TAF1C: variants seen among roughly 807,000 people sequenced by gnomAD.
TAF1C encodes the protein TATA box-binding protein-associated factor RNA polymerase I subunit C.
Under a neutral mutation model 70.5 loss-of-function variants are expected in TAF1C, and 79 were observed. The ratio of observed to expected loss-of-function variants is 1.12; its 90% CI spans 0.93 to 1.35. TAF1C has a LOEUF of 1.35. Ranked by LOEUF, TAF1C falls within the 40% of genes most tolerant of loss-of-function variation. The pLI is 0.00. For missense variants in TAF1C, 1,412 were observed against 1,127.8 expected, an observed-to-expected ratio of 1.25 and a Z score of -3.61; for synonymous variants, 614 against 491.1, an observed-to-expected ratio of 1.25 and a Z score of -3.31.
intron 14 of TAF1C, 27 bp downstream of exon 14, chr16:84,179,919 C>G (rs887331125): frequency 1.2e-6 from 2 of 1,601,050 alleles, no homozygotes; most frequent in Non-Finnish European, 1.7e-6. Context: ...ACTGCGCCCC[C>G]CAAGCTCACT....
chr16:84,179,395 T>C lies in TAF1C; in HGVS notation c.2078A>G (p.Glu693Gly). 1 of 1,598,174 alleles carries C rather than the reference T, an allele frequency of 6.3e-7. No homozygotes were observed. The highest frequency in any genetic ancestry group is 2.2e-5 in the East Asian group (1 of 44,770). The change falls in exon 15 of 15, where the codon GAG becomes GGG. Residue 693 changes from glutamate (E) to glycine (G), a missense_variant. Transcript: ENST00000566732. ...PESGLEDKLS[E>G]RLGEAWAGRG... Reference sequence around the variant, plus strand: ...GCCTGCCCAGGCTTCCCCCAGGCGCTCACTGAGCTTGTCCTCTAGGCCTGA... The same window carrying C: ...GCCTGCCCAGGCTTCCCCCAGGCGCCCACTGAGCTTGTCCTCTAGGCCTGA...
chr16:84,182,861 C>A lies in TAF1C; in HGVS notation c.482+215G>T, dbSNP rs1294622460. Among the ~76,000 whole-genome samples the A allele has an allele frequency of 6.6e-6, 1 of 152,204 alleles. No individual in the cohort carries two copies. Among genetic ancestry groups the A allele is most frequent in the Admixed American group, 6.5e-5 (1 of 15,288 alleles). ...CAGCTCTATGAACATTATTTGAACA[C>A]CTGGATGCAGCTGTGCCTGAACTCC... On this transcript the variant is annotated intron_variant, in intron 6 of 14. Transcript: ENST00000566732. This position sits in a 1 kb window ranked among gnomAD's most constrained non-coding sequence, Gnocchi z 5.0.
rs1286702863 is a variant in TAF1C, at chr16:84,179,567, G to C, written c.1906C>G (p.Gln636Glu). ...CGCAGCTCTGTGCTGCCCAGCATCTGGCGGTGGGTGAAGGTGGGTGCTGTC... is the reference window on the plus strand; with the variant it reads ...CGCAGCTCTGTGCTGCCCAGCATCTCGCGGTGGGTGAAGGTGGGTGCTGTC... Reference protein sequence around the residue: ...VWTAPTFTHRQMLGSTELRRE... With the variant: ...VWTAPTFTHREMLGSTELRRE... The change falls in exon 15 of 15, where the codon CAG becomes GAG. Residue 636 changes from glutamine to glutamate, a missense_variant. By Grantham distance (29) the Gln-to-Glu change is conservative (BLOSUM62 2). Transcript: ENST00000566732. The C allele has an allele frequency of 6.2e-7, 1 of 1,612,560 alleles. No individual in the cohort carries two copies. The highest frequency in any genetic ancestry group is 1.3e-5 in the African/African-American group (1 of 74,930).
At position 84,182,016 on chromosome 16, in the gene TAF1C, A is replaced by T; in HGVS notation, c.764T>A (p.Phe255Tyr). The change falls in exon 8 of 15, where the codon TTC (phenylalanine) becomes TAC (tyrosine). Residue 255 changes from phenylalanine (F) to tyrosine (Y), a missense_variant. Transcript: ENST00000566732. The surrounding 1 kb of genome is among the most constrained non-coding windows in gnomAD (Gnocchi z 5.0). ...CTGGATGCGTCCAGGTTTCCCAAGG[A>T]ATTGGGGATTGTCACCTGGGGTCAG... ...VVLTPGDNPQ[F>Y]LGKPGRIQLQ... 2 of 1,613,390 alleles carry T rather than the reference A, an allele frequency of 1.2e-6. No homozygotes were observed. The highest frequency in any genetic ancestry group is 1.7e-6 in the Non-Finnish European group (2 of 1,179,968).
In TAF1C at chr16:84,180,188, G is replaced by A. The variant is rs945407687; in HGVS notation, c.1465C>T (p.Gln489Ter). The A allele has an allele frequency of 1.9e-6, 3 of 1,546,558 alleles. No homozygotes were observed. Among genetic ancestry groups the A allele is most frequent in the Non-Finnish European group, 1.7e-6 (2 of 1,154,944 alleles). Residue 489 changes from glutamine to a stop codon, truncating the protein, a stop_gained, in exon 13 of 15, where the codon CAG (glutamine) becomes TAG (stop). Coordinates refer to ENST00000566732, the MANE Select transcript of TAF1C (RefSeq NM_001243156.2). LOFTEE classifies it high-confidence loss of function. Reference sequence around the variant, plus strand: ...CCCTCACCTGCCAGGTGCAGCAGCTGCAGCTGCCCACCCTGGCCTCCGAGG... The same window carrying A: ...CCCTCACCTGCCAGGTGCAGCAGCTACAGCTGCCCACCCTGGCCTCCGAGG... ...LLLGGQGGQL[Q>*]LLHLAGEGAS...
At position 84,179,700 on chromosome 16, in the gene TAF1C, G is replaced by T. The variant is rs1381358598; in HGVS notation, c.1773C>A (p.Thr591=). Residue 591 remains threonine (T), a synonymous_variant, in exon 15 of 15, where the codon ACC becomes ACA. Transcript: ENST00000566732. ...LRRDAGPPGD[T]QPDCHAPTAS... ...CTGTGGGGGCATGGCAGTCAGGTTG[G>T]GTGTCGCCAGGAGGCCCAGCATCTC... 3 of 1,612,338 alleles carry T rather than the reference G, an allele frequency of 1.9e-6. No individual in the cohort carries two copies. In the Admixed American group the frequency reaches 5.0e-5, roughly 27 times the overall value.
At chr16:84,183,880 A>T (rs1474614851) in intron 2 of TAF1C, 102 bp from the exon 3 acceptor site, 1 of 845,634 alleles carries the variant, frequency 1.2e-6, no homozygotes, top group Non-Finnish European at 1.8e-6. Context: ...CAATCCTCAC[A>T]ACAATCCTGC....
intron 14 of TAF1C, 30 bp from the exon 15 acceptor site, chr16:84,179,881 G>A (rs1248957653): frequency 1.2e-6 from 2 of 1,609,132 alleles, no homozygotes; most frequent in Non-Finnish European, 1.7e-6. Context: ...TGACCTCCAG[G>A]GCCTAGCGGG....
In TAF1C at chr16:84,185,302, T is replaced by A. The variant is rs546128440; in HGVS notation, c.-72-242A>T. 5.8e-5 allele frequency: 13 copies of A among 225,266 alleles called. 1 individual carries two copies. In the South Asian group the frequency reaches 1.2e-3, roughly 20 times the overall value. The allele number at this position is 225,266 out of a possible 1,614,324, so 14.0% of individuals were successfully genotyped here. A position where few individuals can be genotyped will look rare whatever the true frequency, so the allele number is the denominator to read the frequency against. ...GAACCTAGTGAAGGAGAGAACCATGTACGCAACTGGGAAGAGGGTTCCAGG... is the reference window on the plus strand; with the variant it reads ...GAACCTAGTGAAGGAGAGAACCATGAACGCAACTGGGAAGAGGGTTCCAGG... On this transcript the variant is annotated intron_variant, in intron 1 of 14. Transcript: ENST00000566732.
In TAF1C at chr16:84,179,195, G is replaced by C. The variant is rs138012537; in HGVS notation, c.2278C>G (p.Leu760Val). 1,510 of 1,589,222 alleles carry C rather than the reference G, an allele frequency of 9.5e-4. 37 individuals carry two copies. In the East Asian group the frequency reaches 0.033, roughly 35 times the overall value. ...HSPEWPPADALPLPPTTPPSQ... is the reference protein window; with the variant it reads ...HSPEWPPADAVPLPPTTPPSQ... ...GGCGGGGTCGTGGGGGGCAGGGGCAGAGCATCAGCAGGTGGCCACTCAGGG... is the reference window on the plus strand; with the variant it reads ...GGCGGGGTCGTGGGGGGCAGGGGCACAGCATCAGCAGGTGGCCACTCAGGG... Residue 760 changes from leucine (L) to valine (V), a missense_variant, in exon 15 of 15, where the codon CTG (leucine) becomes GTG (valine). Physicochemically the swap from Leu to Val is conservative, Grantham distance 32. Transcript: ENST00000566732.
At chr16:84,186,345 G>A (rs1215012429) in intron 1 of TAF1C, among the ~76,000 whole-genome samples, 1 of 152,230 alleles carries the variant, frequency 6.6e-6, no homozygotes, top group Admixed American at 6.5e-5. Context: ...CCTGAGGCCA[G>A]AAGTTTGAGA....
chr16:84,182,076 G>T lies in TAF1C; in HGVS notation c.722-18C>A, dbSNP rs770708969. 1.2e-6 allele frequency: 2 copies of T among 1,611,702 alleles called. No homozygotes were observed. The highest frequency in any genetic ancestry group is 2.2e-5 in the South Asian group (2 of 90,854). On this transcript the variant is annotated intron_variant, in intron 7 of 14. Transcript: ENST00000566732. The surrounding 1 kb of genome is among the most constrained non-coding windows in gnomAD (Gnocchi z 5.0). ...TTGGAAATCTGGGCCTCTCACTAAG[G>T]ATCAGTGCACGAGCTATGATCACTG...
chr16:84,179,680 G>A lies in TAF1C; in HGVS notation c.1793C>T (p.Pro598Leu), dbSNP rs576598196. 24 of 1,612,700 alleles carry A rather than the reference G, an allele frequency of 1.5e-5. No homozygotes were observed. In the East Asian group the frequency reaches 4.2e-4, roughly 28 times the overall value. Residue 598 changes from proline to leucine, a missense_variant, in exon 15 of 15, where the codon CCC becomes CTC. Coordinates refer to ENST00000566732, the MANE Select transcript of TAF1C (RefSeq NM_001243156.2). ...PGDTQPDCHA[P>L]TASWTSQDTA... ...GTCCTGGGAGGTCCAGGAAGCTGTG[G>A]GGGCATGGCAGTCAGGTTGGGTGTC...
intron 11 of TAF1C, 51 bp from the exon 12 acceptor site, chr16:84,181,237 G>A (rs4150155): frequency 0.012 from 18,987 of 1,593,916 alleles, 190 homozygotes; most frequent in South Asian, 0.029. Context: ...GGCCGGTGAC[G>A]CTGTCCTCGC....
Position 84,178,735 on chromosome 16 carries a change from C to A in TAF1C, c.*206G>T. On this transcript the variant is annotated 3_prime_UTR_variant, in exon 15 of 15. Transcript: ENST00000566732. ...CCTGCCTTGCGGGATGATCTTCAGG[C>A]GAATATACAAAATACAAAAGAAACT... is the stretch of plus-strand genomic sequence containing the variant. The A allele has an allele frequency of 1.6e-6, 1 of 612,848 alleles. No individual in the cohort carries two copies. The highest frequency in any genetic ancestry group is 2.8e-6 in the Non-Finnish European group (1 of 354,916). The allele number at this position is 612,848 out of a possible 1,614,324, so 38.0% of individuals were successfully genotyped here.
At chr16:84,184,723 C>G in intron 2 of TAF1C, 128 bp downstream of exon 2, 1 of 1,214,502 alleles carries the variant, frequency 8.2e-7, no homozygotes, top group South Asian at 1.6e-5. Context: ...GGTGGCAGAG[C>G]CTGTGTCTCA....
In TAF1C at chr16:84,183,463, C is replaced by T. The variant is rs775299344; in HGVS notation, c.265G>A (p.Gly89Arg). 24 of 1,611,852 alleles carry T rather than the reference C, an allele frequency of 1.5e-5. No individual in the cohort carries two copies. The Admixed American group carries it at 2.2e-4, about 15-fold the overall frequency. Residue 89 changes from glycine to arginine, a missense_variant, in exon 4 of 15, where the codon GGA (glycine) becomes AGA (arginine). Coordinates refer to ENST00000566732, the MANE Select transcript of TAF1C (RefSeq NM_001243156.2). ...GGCCGCTTCCGATACCGGCACCCTC[C>T]GCGGAAAAGCAGGTCCCGGGCAGTC... ...GLTARDLLFR[G>R]GCRYRKRPRV...
chr16:84,179,227 G>C lies in TAF1C; in HGVS notation c.2246C>G (p.Pro749Arg), dbSNP rs1344799404. ...HVDPSEDTSS[P>R]HSPEWPPADA... ...AGCAGGTGGCCACTCAGGGCTATGA[G>C]GGGAGCTGGTGTCCTCTGAGGGATC... Residue 749 changes from proline to arginine, a missense_variant, in exon 15 of 15, where the codon CCT becomes CGT. Physicochemically the swap from Pro to Arg is moderately radical, Grantham distance 103. Coordinates refer to ENST00000566732, the MANE Select transcript of TAF1C (RefSeq NM_001243156.2). The C allele has an allele frequency of 1.3e-6, 2 of 1,584,762 alleles. No individual in the cohort carries two copies. The highest frequency in any genetic ancestry group is 2.7e-5 in the African/African-American group (2 of 74,664).
At position 84,179,894 on chromosome 16, in the gene TAF1C, G is replaced by A. The variant is rs763266437; in HGVS notation, c.1622-43C>T. The A allele has an allele frequency of 3.1e-6, 5 of 1,609,218 alleles. No homozygotes were observed. In the African/African-American group the frequency reaches 5.3e-5, roughly 17 times the overall value. On this transcript the variant is annotated intron_variant, in intron 14 of 14. Coordinates refer to ENST00000566732, the MANE Select transcript of TAF1C (RefSeq NM_001243156.2). The stretch of plus-strand genomic sequence containing the variant: ...AATGACCTCCAGGGCCTAGCGGGGG[G>A]AGGGGATGTTTTCCACTGCGCCCCC...
Sources: allele counts gnomAD v4.1 joint callset (sites outside exome capture counted in the v4.1 genomes callset), GRCh38; gene constraint gnomAD v4.1.1; non-coding constraint Gnocchi (gnomAD v3.1); transcripts MANE v1.5; gene names NCBI Gene and HGNC (gene_info 2026-07-23, HGNC 2026-07-21).